The following OR51B5 variants were observed in gnomAD, a reference collection of about 807,000 sequenced individuals.
OR51B5 encodes the protein olfactory receptor 51B5.
For missense variants in OR51B5, 456 were observed against 374.6 expected (o/e 1.22, Z -1.79); for synonymous variants, 186 against 144.8 (o/e 1.28, Z -2.04).
intron 1 of OR51B5, chr11:5,488,583 T>G (rs1851529661): frequency 1.3e-6 from 1 of 764,198 alleles, no homozygotes; most frequent in African/African-American, 1.8e-5. Context: ...AAACAAATTT[T>G]TTTAGTCTAA....
At chr11:5,466,138 G>A (rs1372282908) in intron 1 of OR51B5, among the ~76,000 whole-genome samples, 1 of 152,126 alleles carries the variant, frequency 6.6e-6, no homozygotes, top group Non-Finnish European at 1.5e-5. Flanking sequence ...CAAAAAGTGG[G>A]CGAAGGTTGA....
intron 1 of OR51B5, among the ~76,000 whole-genome samples, chr11:5,451,031 G>A (rs1343879045): frequency 6.6e-6 from 1 of 152,196 alleles, no homozygotes; most frequent in Admixed American, 6.5e-5. Flanking sequence ...TCATCTCACT[G>A]GCTCTCAGTG....
At chr11:5,463,810 G>A (rs1324704433) in intron 1 of OR51B5, among the ~76,000 whole-genome samples, 2 of 152,130 alleles carry the variant, frequency 1.3e-5, no homozygotes, top group African/African-American at 4.8e-5. Context: ...GATACAGGAG[G>A]GATATGTCAA....
chr11:5,457,464 A>G (rs1850977107), intron 1 of OR51B5, among the ~76,000 whole-genome samples: 1 of 152,166 alleles, frequency 6.6e-6, no homozygotes, highest in African/African-American at 2.4e-5. Flanking sequence ...TTTTGGTAGA[A>G]TGATTTATAC....
At chr11:5,390,128 G>C (rs781156448) in intron 1 of OR51B5, 4 of 1,613,800 alleles carry the variant, frequency 2.5e-6, no homozygotes, top group Non-Finnish European at 3.4e-6. Context: ...GGCCTCCCAA[G>C]AGGAGCAGCG....
chr11:5,343,600 C>T (rs999436336), upstream of OR51B5: 2 of 596,764 alleles, frequency 3.4e-6, no homozygotes, highest in Non-Finnish European at 6.0e-6. Flanking sequence ...CAAGGTATCA[C>T]TTCGACTATA....
intron 1 of OR51B5, chr11:5,383,756 T>A (rs1322816915): frequency 6.6e-6 from 1 of 152,162 alleles, no homozygotes; most frequent in Non-Finnish European, 1.5e-5. Flanking sequence ...TTGTTTACCA[T>A]TAAGTTCTCC....
At chr11:5,353,818 A>G (rs1849141329) in intron 1 of OR51B5, among the ~76,000 whole-genome samples, 1 of 152,208 alleles carries the variant, frequency 6.6e-6, no homozygotes. Context: ...TCATCACAGA[A>G]AGGTGGGGAT....
At chr11:5,492,074 T>C (rs1021245185) in intron 1 of OR51B5, among the ~76,000 whole-genome samples, 1 of 152,178 alleles carries the variant, frequency 6.6e-6, no homozygotes, top group Non-Finnish European at 1.5e-5. Flanking sequence ...TCTAGCTGTT[T>C]CAATTTGTGC....
downstream of OR51B5, among the ~76,000 whole-genome samples, chr11:5,342,059 G>T (rs944706171): frequency 6.6e-6 from 1 of 152,134 alleles, no homozygotes; most frequent in Non-Finnish European, 1.5e-5. Flanking sequence ...AAGTAATTAG[G>T]TCACTGATCA....
chr11:5,343,696 C>T (rs983754568), upstream of OR51B5: 6 of 514,784 alleles, frequency 1.2e-5, no homozygotes, highest in African/African-American at 7.7e-5. Context: ...GTTACTCATA[C>T]TATTTGTATT....
intron 1 of OR51B5, among the ~76,000 whole-genome samples, chr11:5,353,815 A>G (rs1337220191): frequency 6.6e-6 from 1 of 152,226 alleles, no homozygotes; most frequent in Non-Finnish European, 1.5e-5. Flanking sequence ...TCTTCATCAC[A>G]GAAAGGTGGG....
rs1320453633 is a variant in OR51B5 at position 5,503,607 on chromosome 11, A to G, written n.84+1962T>C. ...AAAATAGACAAAATTAGCCAATGGT[A>G]TCTTGCAATGTCAGGCATTATTCTT... On this transcript the variant is annotated intron_variant and non_coding_transcript_variant, in intron 1 of 4. Coordinates refer to the OR51B5 transcript ENST00000415970. 3.9e-5 allele frequency among the ~76,000 whole-genome samples: 6 copies of G among 152,240 alleles called. No homozygotes were observed. The East Asian group carries it at 1.2e-3, about 29-fold the overall frequency.
intron 1 of OR51B5, among the ~76,000 whole-genome samples, chr11:5,481,650 C>G (rs1478756267): frequency 7.0e-6 from 1 of 143,238 alleles, no homozygotes; most frequent in Non-Finnish European, 1.5e-5. Flanking sequence ...TGATAAGCAA[C>G]TTCAGCAAAG....
chr11:5,472,917 T>C (rs1279945883), intron 1 of OR51B5, among the ~76,000 whole-genome samples: 1 of 152,168 alleles, frequency 6.6e-6, no homozygotes, highest in Non-Finnish European at 1.5e-5. Context: ...TGACCATCCT[T>C]GTTTGCCCCA....
At chr11:5,404,138 T>G in intron 1 of OR51B5, among the ~76,000 whole-genome samples, 1 of 65,858 alleles carries the variant, frequency 1.5e-5, no homozygotes. Context: ...CAGCTGGGCT[T>G]CTGGGTCGGG....
intron 1 of OR51B5, among the ~76,000 whole-genome samples, chr11:5,394,522 C>T (rs531005986): frequency 5.9e-5 from 9 of 152,146 alleles, no homozygotes; most frequent in African/African-American, 1.9e-4. Context: ...ACAACTATCC[C>T]GTTATTTAAT....
chr11:5,343,518 A>G (rs1848939239), exon 1 of OR51B5: 2 of 904,050 alleles, frequency 2.2e-6, no homozygotes, highest in Non-Finnish European at 3.6e-6. Context: ...CTGCCGCTGG[A>G]CGACATCCTG....
intron 1 of OR51B5, among the ~76,000 whole-genome samples, chr11:5,360,271 CTAT>C (rs1849260803): frequency 6.6e-6 from 1 of 151,838 alleles, no homozygotes; most frequent in South Asian, 2.1e-4. Context: ...TATCCAGAAT[CTAT>C]GATGAACTCA....
Sources: allele counts gnomAD v4.1 joint callset (sites outside exome capture counted in the v4.1 genomes callset), GRCh38; gene constraint gnomAD v4.1.1; transcripts MANE v1.5; gene names NCBI Gene and HGNC (gene_info 2026-07-23, HGNC 2026-07-21).